Variants in PTGIS observed in about 807,000 individuals in gnomAD.
PTGIS encodes prostaglandin I2 synthase, also known as prostacyclin synthase.
PTGIS carries 45 observed loss-of-function variants against 50.3 expected under a neutral mutation model. The observed-to-expected ratio is 0.90, with a 90% CI of 0.70 to 1.15. PTGIS has a LOEUF of 1.15. PTGIS is among the 50% of genes most tolerant of loss of function. The pLI is 0.00. For synonymous variants in PTGIS, 260 were observed against 267.7 expected (o/e 0.97, Z 0.28); for missense variants, 668 against 661.3 (o/e 1.01, Z -0.11).
chr20:49,519,672 C>T (rs531734761), intron 6 of PTGIS, among the ~76,000 whole-genome samples: 1 of 152,066 alleles, frequency 6.6e-6, no homozygotes, highest in Admixed American at 6.5e-5. Flanking sequence ...TCCACTCCCC[C>T]ATCTCCATCT....
rs1021763359 is a variant in PTGIS at position 49,524,329 on chromosome 20, G to T, written c.674-90C>A. The T allele has an allele frequency of 7.6e-6, 11 of 1,443,260 alleles. No individual in the cohort carries two copies. In the East Asian group the frequency reaches 9.2e-5, roughly 12 times the overall value. 89.4% of individuals were successfully genotyped at this position (1,443,260 alleles called of 1,614,324 possible). ...GGCATGACCTCCCATGAGGCCAAGG[G>T]TCTTCTGAATGTCACTCATTGAGGG... is the stretch of plus-strand genomic sequence containing the variant. On this transcript the variant is annotated intron_variant, in intron 5 of 9. Coordinates refer to ENST00000244043, the MANE Select transcript of PTGIS (RefSeq NM_000961.4).
rs182783704 is a variant in PTGIS at position 49,564,409 on chromosome 20, G to A, written c.74+3634C>T. Among the ~76,000 whole-genome samples the A allele has an allele frequency of 5.1e-3, 769 of 152,170 alleles. 5 individuals carry two copies. The highest frequency in any genetic ancestry group is 0.018 in the African/African-American group (741 of 41,524). Reference sequence around the variant, plus strand: ...TGGGACTACAGGTGCCTGCCACCACGCCTGGCTAATTTTCTGTATTTTTAG... The same window carrying A: ...TGGGACTACAGGTGCCTGCCACCACACCTGGCTAATTTTCTGTATTTTTAG... On this transcript the variant is annotated intron_variant, in intron 1 of 9. Transcript: ENST00000244043.
At chr20:49,530,677 C>T (rs919572941) in intron 5 of PTGIS, among the ~76,000 whole-genome samples, 13 of 152,122 alleles carry the variant, frequency 8.5e-5, no homozygotes, top group Non-Finnish European at 1.6e-4. Flanking sequence ...TGTTGAACAC[C>T]TTTTCATACC....
intron 8 of PTGIS, 108 bp from the exon 9 acceptor site, chr20:49,511,287 T>G (rs1981313627): frequency 7.4e-7 from 1 of 1,347,378 alleles, no homozygotes. Flanking sequence ...AGGGAAAAAC[T>G]GGAAACCATA....
intron 1 of PTGIS, among the ~76,000 whole-genome samples, chr20:49,553,746 G>T (rs2122895039): frequency 6.6e-6 from 1 of 151,838 alleles, no homozygotes; most frequent in Non-Finnish European, 1.5e-5. Flanking sequence ...AATTATAAAG[G>T]GGTATCTTTG....
rs1418829130 is a variant in PTGIS, at chr20:49,544,339, C to A, written c.487G>T (p.Gly163Cys). Residue 163 changes from glycine (G) to cysteine (C), a missense_variant, in exon 4 of 10, where the codon GGT becomes TGT. Gly to Cys is a radical substitution (Grantham distance 159). Transcript: ENST00000244043. Reference sequence around the variant, plus strand: ...AAGCTGTAGGAGAAGTCGAGGAGACCCATCTCGTGCCAGCCACTGCCTGCT... The same window carrying A: ...AAGCTGTAGGAGAAGTCGAGGAGACACATCTCGTGCCAGCCACTGCCTGCT... Reference protein sequence around the residue: ...TEAGSGWHEMGLLDFSYSFLL... With the variant: ...TEAGSGWHEMCLLDFSYSFLL... 1 of 1,613,990 alleles carries A rather than the reference C, an allele frequency of 6.2e-7. No homozygotes were observed. The highest frequency in any genetic ancestry group is 8.5e-7 in the Non-Finnish European group (1 of 1,180,014).
rs984563053 is a variant in PTGIS, at chr20:49,567,954, C to T, written c.74+89G>A. 12 of 1,270,160 alleles carry T rather than the reference C, an allele frequency of 9.4e-6. No homozygotes were observed. In the East Asian group the frequency reaches 2.8e-4, roughly 30 times the overall value. 78.7% of individuals were successfully genotyped at this position (1,270,160 alleles called of 1,614,324 possible). A position where few individuals can be genotyped will look rare whatever the true frequency, so the allele number is the denominator to read the frequency against. ...ATACTGGAGCGGGACTCGGGCCGGG[C>T]CGGCCGCGGGCTCCGAGACCCTTGG... is the stretch of plus-strand genomic sequence containing the variant. On this transcript the variant is annotated intron_variant, in intron 1 of 9. Transcript: ENST00000244043.
chr20:49,544,446 G>A lies in PTGIS; in HGVS notation c.380C>T (p.Thr127Ile), dbSNP rs771458163. ...PSDEKARMKL[T>I]LLHRELQALT... is the part of the protein sequence containing the mutation. Reference sequence around the variant, plus strand: ...TGCCTGGAGCTCTCTGTGGAGAAGAGTCCTGAGGCAGGAAACAAAAGCATG... The same window carrying A: ...TGCCTGGAGCTCTCTGTGGAGAAGAATCCTGAGGCAGGAAACAAAAGCATG... Residue 127 changes from threonine (T) to isoleucine (I), a missense_variant and splice_region_variant, in exon 4 of 10, where the codon ACT (threonine) becomes ATT (isoleucine). Coordinates refer to ENST00000244043, the MANE Select transcript of PTGIS (RefSeq NM_000961.4). 6.2e-7 allele frequency: 1 copy of A among 1,614,136 alleles called. No homozygotes were observed. Among genetic ancestry groups the A allele is most frequent in the Non-Finnish European group, 8.5e-7 (1 of 1,180,016 alleles).
In PTGIS at chr20:49,507,808, G is replaced by C; in HGVS notation, c.*112C>G. 7.1e-7 allele frequency: 1 copy of C among 1,413,736 alleles called. No individual in the cohort carries two copies. The highest frequency in any genetic ancestry group is 9.7e-7 in the Non-Finnish European group (1 of 1,026,686). The allele number at this position is 1,413,736 out of a possible 1,614,324, so 87.6% of individuals were successfully genotyped here. ...CTTCTGGGAGAAAAGCAGGGAAGTG[G>C]TAATGCTAGCACCTGCACCCGGGCC... On this transcript the variant is annotated 3_prime_UTR_variant, in exon 10 of 10. Transcript: ENST00000244043.
intron 6 of PTGIS, among the ~76,000 whole-genome samples, chr20:49,518,277 A>C (rs1474062726): frequency 6.6e-6 from 1 of 152,234 alleles, no homozygotes; most frequent in African/African-American, 2.4e-5. Flanking sequence ...GAGGGACACC[A>C]GCGATGGAGA....
intron 6 of PTGIS, among the ~76,000 whole-genome samples, chr20:49,517,014 C>A (rs1981498646): frequency 6.6e-6 from 1 of 152,230 alleles, no homozygotes; most frequent in Non-Finnish European, 1.5e-5. Flanking sequence ...ACATTGCCAC[C>A]TCCTGGGTGG....
chr20:49,551,805 T>TG lies in PTGIS; in HGVS notation c.75-1617_75-1616insC, dbSNP rs1982515981. Among the ~76,000 whole-genome samples, 13 of 140,048 alleles carry TG rather than the reference T, an allele frequency of 9.3e-5. No homozygotes were observed. The South Asian group carries it at 2.5e-3, about 27-fold the overall frequency. The allele number at this position is 140,048 out of a possible 152,430, so 91.9% of individuals were successfully genotyped here. A position where few individuals can be genotyped will look rare whatever the true frequency, so the allele number is the denominator to read the frequency against. ...ATGTGTGTGTATGCATGTGTATGTG[T>TG]TTGTGTGTGTGTGTGTGTGTGTGTG... On this transcript the variant is annotated intron_variant, in intron 1 of 9. Transcript: ENST00000244043.
intron 8 of PTGIS, among the ~76,000 whole-genome samples, chr20:49,512,134 TG>T (rs1981337171): frequency 6.6e-6 from 1 of 151,534 alleles, no homozygotes; most frequent in African/African-American, 2.4e-5. Context: ...GGTAGGTGGG[TG>T]GATGAAAGAG....
chr20:49,545,164 G>A (rs747507051), intron 3 of PTGIS, among the ~76,000 whole-genome samples: 1 of 152,132 alleles, frequency 6.6e-6, no homozygotes, highest in Admixed American at 6.5e-5. Context: ...TCAGCTACTC[G>A]AGAAGCTGAG....
intron 5 of PTGIS, among the ~76,000 whole-genome samples, chr20:49,526,264 C>T (rs944784561): frequency 6.6e-6 from 1 of 152,234 alleles, no homozygotes; most frequent in African/African-American, 2.4e-5. Flanking sequence ...ACTCTGGATA[C>T]TTCTAAGCAT....
chr20:49,557,372 C>T (rs1431750720), intron 1 of PTGIS, among the ~76,000 whole-genome samples: 1 of 152,080 alleles, frequency 6.6e-6, no homozygotes, highest in Non-Finnish European at 1.5e-5. Context: ...AGGAGGATCA[C>T]TTGAGCCTAG....
chr20:49,539,797 AT>A, intron 4 of PTGIS, 76 bp from the exon 5 acceptor site: 1 of 1,525,588 alleles, frequency 6.6e-7, no homozygotes, highest in Non-Finnish European at 8.9e-7. Context: ...CAAGAGCTTC[AT>A]TCATACACCC....
Position 49,507,954 on chromosome 20 carries a change from T to C in PTGIS, c.1469A>G (p.His490Arg), listed in dbSNP as rs1340775223. 6.2e-7 allele frequency: 1 copy of C among 1,613,452 alleles called. No individual in the cohort carries two copies. Among genetic ancestry groups the C allele is most frequent in the Admixed American group, 1.7e-5 (1 of 60,028 alleles). ...GATGCGGTAGCGGACGGGCACGTCG[T>C]GTTCCGGCTGCATCAGACCGAAGCC... ...RYGFGLMQPE[H>R]DVPVRYRIRP is the part of the protein sequence containing the mutation. The change falls in exon 10 of 10, where the codon CAC (histidine) becomes CGC (arginine). Residue 490 changes from histidine (H) to arginine (R), a missense_variant. Physicochemically the swap from His to Arg is conservative, Grantham distance 29. Coordinates refer to ENST00000244043, the MANE Select transcript of PTGIS (RefSeq NM_000961.4).
chr20:49,550,211 T>A (rs757452883), intron 1 of PTGIS, 22 bp from the exon 2 acceptor site: 20 of 1,610,150 alleles, frequency 1.2e-5, no homozygotes, highest in Non-Finnish European at 1.5e-5. Flanking sequence ...ATGGCACTTG[T>A]CACCATTTGA....
Sources: gnomAD v4.1 joint callset for allele counts (sites outside exome capture counted in the v4.1 genomes callset) on GRCh38, gnomAD v4.1.1 for gene constraint, MANE v1.5 for transcripts, NCBI Gene and HGNC (gene_info 2026-07-23, HGNC 2026-07-21) for gene names.